The following CEP85L variants were observed in gnomAD, a reference collection of about 807,000 sequenced individuals.
The protein encoded by CEP85L is centrosomal protein of 85 kDa-like.
CEP85L carries 60 observed loss-of-function variants against 100.3 expected under a neutral mutation model. The observed-to-expected ratio is 0.60, with a 90% CI of 0.49 to 0.74. The LOEUF (loss-of-function observed/expected upper bound fraction) is 0.74, where lower values mean the gene tolerates loss of function less well. Ranked by LOEUF, CEP85L falls within the 30% of genes least tolerant of loss-of-function variation. CEP85L has a pLI of 0.00. For synonymous variants in CEP85L, 319 were observed against 322.7 expected, an observed-to-expected ratio of 0.99 and a Z score of 0.12; for missense variants, 973 against 936.2, an observed-to-expected ratio of 1.04 and a Z score of -0.51.
At chr6:118,494,995 G>C (rs779768375) in intron 5 of CEP85L, among the ~76,000 whole-genome samples, 1 of 150,768 alleles carries the variant, frequency 6.6e-6, no homozygotes, top group Non-Finnish European at 1.5e-5. Context: ...AAAAAGAAAT[G>C]CTAAAGATTG....
chr6:118,615,780 C>G (rs1009293628), intron 2 of CEP85L, among the ~76,000 whole-genome samples: 6 of 152,236 alleles, frequency 3.9e-5, no homozygotes, highest in African/African-American at 1.4e-4. Flanking sequence ...GACACCAGGG[C>G]TCAGCTGAGC....
chr6:118,671,280 T>A (rs952847997), intron 1 of CEP85L, among the ~76,000 whole-genome samples: 1 of 152,188 alleles, frequency 6.6e-6, no homozygotes, highest in African/African-American at 2.4e-5. Context: ...TTTAGCAACT[T>A]CCCCTCCTTG....
chr6:118,709,211 T>A (rs1034434465), intron 1 of CEP85L, among the ~76,000 whole-genome samples: 5 of 152,018 alleles, frequency 3.3e-5, no homozygotes, highest in African/African-American at 1.2e-4. Flanking sequence ...ATGAGAACAT[T>A]CCCCCAGTCT....
At chr6:118,481,591 C>A (rs1395971984) in intron 8 of CEP85L, among the ~76,000 whole-genome samples, 188 bp downstream of exon 8, 4 of 151,952 alleles carry the variant, frequency 2.6e-5, no homozygotes, top group Non-Finnish European at 5.9e-5. Context: ...GGCAAATATT[C>A]CAAAAGCTGA....
intron 12 of CEP85L, among the ~76,000 whole-genome samples, chr6:118,466,869 CTTAAA>C (rs763689063): frequency 6.6e-6 from 1 of 152,006 alleles, no homozygotes; most frequent in African/African-American, 2.4e-5. Flanking sequence ...GTTATGAAAA[CTTAAA>C]TTAAGGCAAT....
At chr6:118,539,484 G>C (rs1009162837) in intron 3 of CEP85L, among the ~76,000 whole-genome samples, 1 of 152,132 alleles carries the variant, frequency 6.6e-6, no homozygotes, top group Admixed American at 6.5e-5. Flanking sequence ...ATGTATTCCT[G>C]TCATTAAGTG....
intron 3 of CEP85L, among the ~76,000 whole-genome samples, chr6:118,530,458 G>A (rs1259474194): frequency 6.6e-6 from 1 of 150,830 alleles, no homozygotes; most frequent in Non-Finnish European, 1.5e-5. Flanking sequence ...GAAATCCAGA[G>A]TAAGACAAGG....
intron 3 of CEP85L, among the ~76,000 whole-genome samples, chr6:118,526,981 T>C (rs1008164853): frequency 6.6e-6 from 1 of 151,284 alleles, no homozygotes; most frequent in African/African-American, 2.4e-5. Flanking sequence ...GCGCAGCCAC[T>C]GTTTCATTCC....
At chr6:118,658,567 G>A (rs1775872434) in intron 1 of CEP85L, among the ~76,000 whole-genome samples, 1 of 151,984 alleles carries the variant, frequency 6.6e-6, no homozygotes, top group South Asian at 2.1e-4. Context: ...CTCTTAGCCT[G>A]ACATAAATTC....
intron 1 of CEP85L, among the ~76,000 whole-genome samples, chr6:118,703,704 C>A (rs1365948283): frequency 6.6e-6 from 1 of 152,170 alleles, no homozygotes; most frequent in African/African-American, 2.4e-5. Flanking sequence ...GCTTTATGAG[C>A]CCCTACCATA....
intron 1 of CEP85L, among the ~76,000 whole-genome samples, chr6:118,647,301 C>T (rs186944280): frequency 7.2e-5 from 11 of 152,262 alleles, no homozygotes; most frequent in Admixed American, 5.9e-4. Flanking sequence ...ATTTTATTTT[C>T]GCACACTATA....
Position 118,506,309 on chromosome 6 carries a change from C to T in CEP85L, c.1257+4989G>A, listed in dbSNP as rs141050674. The stretch of plus-strand genomic sequence containing the variant: ...CATACACACACAGTCAAAATGCTGG[C>T]GGTACTTTAATTAGAGGTCTGGTGA... On this transcript the variant is annotated intron_variant, in intron 5 of 12. Transcript: ENST00000368491. Among the ~76,000 whole-genome samples, 1,143 of 152,170 alleles carry T rather than the reference C, an allele frequency of 7.5e-3. 7 individuals are homozygous for T. Among genetic ancestry groups the T allele is most frequent in the Non-Finnish European group, 1.0e-2 (678 of 68,006 alleles).
In CEP85L at chr6:118,619,562, T is replaced by A. The variant is rs79251685; in HGVS notation, c.232+12891A>T. 3.7e-3 allele frequency among the ~76,000 whole-genome samples: 563 copies of A among 152,188 alleles called. 3 individuals are homozygous for A. The highest frequency in any genetic ancestry group is 0.013 in the African/African-American group (537 of 41,524). On this transcript the variant is annotated intron_variant, in intron 2 of 12. Transcript: ENST00000368491. ...TCTCCTCCATCCAGCCCCACCAAAG[T>A]GTTAGAGGCACACCGAAAAGAAAAC...
intron 2 of CEP85L, chr6:118,574,135 AC>A (rs1361745197): frequency 1.3e-5 from 2 of 152,036 alleles, no homozygotes; most frequent in African/African-American, 4.8e-5. Context: ...CAAACCTCTT[AC>A]TCTGTAAACA....
chr6:118,677,349 C>T (rs895400551), intron 1 of CEP85L, among the ~76,000 whole-genome samples: 5 of 152,198 alleles, frequency 3.3e-5, no homozygotes, highest in African/African-American at 7.2e-5. Flanking sequence ...GAGAAGGGGG[C>T]GAGCTGTACA....
intron 4 of CEP85L, among the ~76,000 whole-genome samples, chr6:118,519,639 A>G (rs559170442): frequency 6.6e-6 from 1 of 151,196 alleles, no homozygotes; most frequent in South Asian, 2.1e-4. Context: ...AAGAAGAACA[A>G]ATGAAACCCA....
At chr6:118,553,308 T>C (rs1778662884) in intron 3 of CEP85L, among the ~76,000 whole-genome samples, 1 of 151,790 alleles carries the variant, frequency 6.6e-6, no homozygotes. Flanking sequence ...AATTATAATG[T>C]AGTAAAGGTC....
At chr6:118,604,485 C>T (rs1562301468) in intron 2 of CEP85L, among the ~76,000 whole-genome samples, 1 of 152,312 alleles carries the variant, frequency 6.6e-6, no homozygotes, top group South Asian at 2.1e-4. Context: ...ATTCCCGTGC[C>T]TTCTTATAAT....
chr6:118,656,480 G>A (rs995598991), upstream of CEP85L, among the ~76,000 whole-genome samples: 1 of 152,294 alleles, frequency 6.6e-6, no homozygotes, highest in South Asian at 2.1e-4. Context: ...TGAGACAGTG[G>A]AGGAATTGAT....
Sources: allele counts gnomAD v4.1 joint callset (sites outside exome capture counted in the v4.1 genomes callset), GRCh38; gene constraint gnomAD v4.1.1; transcripts MANE v1.5; gene names NCBI Gene and HGNC (gene_info 2026-07-23, HGNC 2026-07-21).